The following CACNA2D3 variants were observed in gnomAD, a reference collection of about 807,000 sequenced individuals.
The protein encoded by CACNA2D3 is calcium voltage-gated channel auxiliary subunit alpha2delta 3.
CACNA2D3 carries 60 observed loss-of-function variants against 160.6 expected under a neutral mutation model. The observed-to-expected ratio is 0.37, with a 90% CI of 0.30 to 0.46. The LOEUF is 0.46. CACNA2D3 is among the 20% of genes least tolerant of loss of function. CACNA2D3 has a pLI of 1.00. For missense variants in CACNA2D3, 1,205 were observed against 1,365.0 expected (o/e 0.88, Z 1.85); for synonymous variants, 558 against 492.9 (o/e 1.13, Z -1.75).
chr3:54,451,229 C>CTTATTT (rs1700301803), intron 4 of CACNA2D3, among the ~76,000 whole-genome samples: 8 of 51,752 alleles, frequency 1.5e-4, no homozygotes, highest in African/African-American at 6.9e-4. Context: ...ATATAATAAT[C>CTTATTT]TTTTTTTTTT....
intron 13 of CACNA2D3, among the ~76,000 whole-genome samples, chr3:54,793,518 A>G (rs903915594): frequency 3.3e-5 from 5 of 152,242 alleles, no homozygotes; most frequent in African/African-American, 1.2e-4. Context: ...CCAAATCTTC[A>G]TCTCAAATGT....
chr3:54,732,219 G>A (rs1701404981), intron 11 of CACNA2D3, among the ~76,000 whole-genome samples: 1 of 152,240 alleles, frequency 6.6e-6, no homozygotes. Context: ...TGGACAGTGC[G>A]AAGCACACAG....
chr3:54,731,440 A>T (rs1701384273), intron 11 of CACNA2D3, among the ~76,000 whole-genome samples: 1 of 152,172 alleles, frequency 6.6e-6, no homozygotes, highest in African/African-American at 2.4e-5. Context: ...GTTGTTGATG[A>T]CCACTTGTGT....
intron 2 of CACNA2D3, among the ~76,000 whole-genome samples, chr3:54,133,117 C>T (rs1699748366): frequency 6.6e-6 from 1 of 152,098 alleles, no homozygotes; most frequent in African/African-American, 2.4e-5. Context: ...GTTTTGAGAC[C>T]TCCATCAAAG....
intron 16 of CACNA2D3, among the ~76,000 whole-genome samples, chr3:54,841,047 T>C (rs537542555): frequency 3.7e-4 from 57 of 152,312 alleles, no homozygotes; most frequent in South Asian, 2.5e-3. Context: ...TTAACCTCTG[T>C]AACCACAATG....
At chr3:54,333,061 G>C (rs758130424) in intron 3 of CACNA2D3, among the ~76,000 whole-genome samples, 1 of 152,182 alleles carries the variant, frequency 6.6e-6, no homozygotes, top group Admixed American at 6.5e-5. Context: ...AGTAGAATGT[G>C]GGACCAGTTG....
At chr3:54,795,008 C>T (rs1429361905) in intron 13 of CACNA2D3, among the ~76,000 whole-genome samples, 4 of 152,054 alleles carry the variant, frequency 2.6e-5, no homozygotes, top group African/African-American at 7.2e-5. Context: ...GCTCCAAAAC[C>T]ATCCTGGACT....
chr3:54,679,316 A>G (rs182416020), intron 11 of CACNA2D3, among the ~76,000 whole-genome samples: 2 of 152,304 alleles, frequency 1.3e-5, no homozygotes, highest in Admixed American at 1.3e-4. Context: ...TATATATTCA[A>G]AGAGGCTCTG....
At chr3:54,581,656 A>G in intron 8 of CACNA2D3, 147 bp from the exon 9 acceptor site, 1 of 671,972 alleles carries the variant, frequency 1.5e-6, no homozygotes, top group Non-Finnish European at 2.7e-6. Flanking sequence ...GTCTAGAGGG[A>G]CACCCATGAG....
At chr3:54,575,755 C>T (rs924776766) in intron 8 of CACNA2D3, among the ~76,000 whole-genome samples, 34 of 152,202 alleles carry the variant, frequency 2.2e-4, no homozygotes, top group African/African-American at 7.5e-4. Context: ...ACTAAGTGGA[C>T]ACTTGAAGAT....
intron 2 of CACNA2D3, among the ~76,000 whole-genome samples, chr3:54,314,042 G>A (rs1448395047): frequency 6.6e-6 from 1 of 151,782 alleles, no homozygotes; most frequent in Admixed American, 6.6e-5. Flanking sequence ...TTTATCCCTC[G>A]CCTGCTTCCC....
chr3:54,469,192 G>T (rs1400507562), intron 4 of CACNA2D3, among the ~76,000 whole-genome samples: 1 of 152,204 alleles, frequency 6.6e-6, no homozygotes, highest in Non-Finnish European at 1.5e-5. Flanking sequence ...ACTGGCATCT[G>T]GTGGGTGCCC....
rs550890018 is a variant in CACNA2D3 at position 54,760,977 on chromosome 3, A to G, written c.1247-3241A>G. On this transcript the variant is annotated intron_variant, in intron 12 of 37. Transcript: ENST00000474759. ...CTCTGGAGAGAAGTCAGCTTTCTGT[A>G]ATCTTTCAGAACCTTGGCTATGATA... Among the ~76,000 whole-genome samples, 6 of 152,210 alleles carry G rather than the reference A, an allele frequency of 3.9e-5. No individual in the cohort carries two copies. In the East Asian group the frequency reaches 7.8e-4, roughly 20 times the overall value.
At chr3:54,386,583 T>TGGGAGC in intron 3 of CACNA2D3, 132 bp from the exon 4 acceptor site, 1 of 714,278 alleles carries the variant, frequency 1.4e-6, no homozygotes, top group Middle Eastern at 2.5e-4. Flanking sequence ...TTCAGTTTCA[T>TGGGAGC]GGGAGCAAAG....
chr3:54,723,599 C>T (rs768520368), intron 11 of CACNA2D3, among the ~76,000 whole-genome samples: 27 of 152,218 alleles, frequency 1.8e-4, no homozygotes, highest in Non-Finnish European at 2.9e-4. Flanking sequence ...CAGAGTTCCT[C>T]AGGCTCAGTC....
intron 13 of CACNA2D3, among the ~76,000 whole-genome samples, chr3:54,813,371 C>A (rs946616540): frequency 6.6e-6 from 1 of 152,164 alleles, no homozygotes; most frequent in Non-Finnish European, 1.5e-5. Flanking sequence ...TCATCTGGAG[C>A]CTCATGATGA....
chr3:54,439,171 C>CG (rs780790637), intron 4 of CACNA2D3, among the ~76,000 whole-genome samples: 88 of 152,288 alleles, frequency 5.8e-4, no homozygotes, highest in Non-Finnish European at 1.2e-3. Context: ...CTCCCATCTT[C>CG]GGGTTATCAC....
At chr3:54,772,858 A>T (rs1702344992) in intron 13 of CACNA2D3, among the ~76,000 whole-genome samples, 1 of 152,204 alleles carries the variant, frequency 6.6e-6, no homozygotes, top group Non-Finnish European at 1.5e-5. Context: ...TGGGAATGCT[A>T]TTCAACTTGC....
intron 2 of CACNA2D3, among the ~76,000 whole-genome samples, chr3:54,284,955 G>A (rs756108097): frequency 9.9e-5 from 15 of 152,100 alleles, no homozygotes; most frequent in East Asian, 1.9e-4. Flanking sequence ...ATATACCTAC[G>A]AAGATGGCCG....
Sources: gnomAD v4.1 joint callset for allele counts (sites outside exome capture counted in the v4.1 genomes callset) on GRCh38, gnomAD v4.1.1 for gene constraint, MANE v1.5 for transcripts, NCBI Gene and HGNC (gene_info 2026-07-23, HGNC 2026-07-21) for gene names.